The following ZC3HC1 variants were observed in gnomAD, a reference collection of about 807,000 sequenced individuals.
ZC3HC1 encodes zinc finger C3HC-type protein 1.
A neutral mutation model predicts 61.9 loss-of-function variants in ZC3HC1; 38 were observed. The observed-to-expected ratio is 0.61, with a 90% confidence interval of 0.47 to 0.81. The LOEUF (loss-of-function observed/expected upper bound fraction) is 0.81, where lower values mean the gene tolerates loss of function less well. ZC3HC1 is among the 30% of genes least tolerant of loss of function. ZC3HC1 has a pLI of 0.00. For synonymous variants in ZC3HC1, 213 were observed against 229.9 expected (o/e 0.93, Z 0.67); for missense variants, 554 against 622.7 (o/e 0.89, Z 1.17).
intron 2 of ZC3HC1, among the ~76,000 whole-genome samples, chr7:130,047,032 G>A (rs998661288): frequency 1.3e-5 from 2 of 151,994 alleles, no homozygotes; most frequent in Non-Finnish European, 2.9e-5. Context: ...GCATGATCTC[G>A]GCTCACTGCA....
At chr7:130,043,016 C>G (rs940887692) in intron 2 of ZC3HC1, among the ~76,000 whole-genome samples, 1 of 151,968 alleles carries the variant, frequency 6.6e-6, no homozygotes, top group Non-Finnish European at 1.5e-5. Context: ...GGGCCGGGTG[C>G]GGTGGCCCCA....
chr7:130,048,146 T>G (rs999821493), intron 2 of ZC3HC1, among the ~76,000 whole-genome samples: 8 of 137,842 alleles, frequency 5.8e-5, no homozygotes, highest in East Asian at 2.1e-4. Context: ...CCTAGTTGTT[T>G]TTTTTTTTTT....
intron 2 of ZC3HC1, 147 bp from the exon 3 acceptor site, chr7:130,041,248 C>T: frequency 1.1e-6 from 1 of 885,870 alleles, no homozygotes; most frequent in Non-Finnish European, 1.6e-6. Flanking sequence ...AGTGCAGTGG[C>T]ACGATCTAAG....
Position 130,040,997 on chromosome 7 carries a change from T to C in ZC3HC1, c.363A>G (p.Gln121=). The change falls in exon 3 of 10, where the codon CAA becomes CAG. Residue 121 remains glutamine, a synonymous_variant. Coordinates refer to ENST00000358303, the MANE Select transcript of ZC3HC1 (RefSeq NM_016478.5). ...ECDMLKCSSC[Q]AFLCASLQPA... ...GTTGTAAACTGGCACAGAGAAAAGC[T>C]TGACAGCTAGAGCACTTGAGCATAT... The C allele has an allele frequency of 6.2e-7, 1 of 1,613,886 alleles. No homozygotes were observed. Among genetic ancestry groups the C allele is most frequent in the South Asian group, 1.1e-5 (1 of 91,004 alleles).
chr7:130,043,703 G>A (rs187136200), intron 2 of ZC3HC1: 6 of 346,230 alleles, frequency 1.7e-5, no homozygotes, highest in East Asian at 8.4e-5. Flanking sequence ...AGGAGGCTGC[G>A]AAGAGGCAGC....
chr7:130,025,684 C>T (rs143451701), intron 6 of ZC3HC1, among the ~76,000 whole-genome samples: 2,373 of 151,636 alleles, frequency 0.016, 34 homozygotes, highest in Middle Eastern at 0.024. Context: ...CTGACTAACA[C>T]GGTGAAACCC....
chr7:130,040,948 T>TA lies in ZC3HC1; in HGVS notation c.409+2dup. On this transcript the variant is annotated splice_region_variant and intron_variant, in intron 3 of 9. Coordinates refer to ENST00000358303, the MANE Select transcript of ZC3HC1 (RefSeq NM_016478.5). ...AAAAATGTAATTTGTACCTTATACTTACATCTGTCAAAGTCAAAAGCTGGT... is the reference window on the plus strand; with the variant it reads ...AAAAATGTAATTTGTACCTTATACTTAACATCTGTCAAAGTCAAAAGCTGGT... 1 of 1,610,028 alleles carries TA rather than the reference T, an allele frequency of 6.2e-7. No homozygotes were observed. The highest frequency in any genetic ancestry group is 8.5e-7 in the Non-Finnish European group (1 of 1,178,734).
rs959072483 is a variant in ZC3HC1 at position 130,031,335 on chromosome 7, A to AC, written c.494-2307_494-2306insG. ...GCAAAACTCCATCTCAAAAAAAAAA[A>AC]AAAAAAACAGAAAACCAACATCCCC... On this transcript the variant is annotated intron_variant, in intron 4 of 9. Transcript: ENST00000358303. Among the ~76,000 whole-genome samples the AC allele has an allele frequency of 4.6e-4, 70 of 151,262 alleles. No individual in the cohort carries two copies. The East Asian group carries it at 0.013, about 29-fold the overall frequency.
At chr7:130,029,244 C>T (rs1175615034) in intron 4 of ZC3HC1, among the ~76,000 whole-genome samples, 4 of 151,872 alleles carry the variant, frequency 2.6e-5, no homozygotes, top group South Asian at 2.1e-4. Context: ...CATGGTGGCG[C>T]GTGCCTGTAA....
In ZC3HC1 at chr7:130,022,516, A is replaced by G. The variant is rs1044478128; in HGVS notation, c.1243T>C (p.Ser415Pro). 1 of 1,614,082 alleles carries G rather than the reference A, an allele frequency of 6.2e-7. No individual in the cohort carries two copies. The highest frequency in any genetic ancestry group is 8.5e-7 in the Non-Finnish European group (1 of 1,179,980). The change falls in exon 9 of 10, where the codon TCC becomes CCC. Residue 415 changes from serine (S) to proline (P), a missense_variant. By Grantham distance (74) the Ser-to-Pro change is moderately conservative. Coordinates refer to ENST00000358303, the MANE Select transcript of ZC3HC1 (RefSeq NM_016478.5). ...LCSSSSSDTS[S>P]RSFFDPTSQH... The stretch of plus-strand genomic sequence containing the variant: ...GAGGTGGGATCAAAGAAGCTTCGGG[A>G]AGATGTGTCCTGAGGAAGGAGAAAA...
intron 4 of ZC3HC1, among the ~76,000 whole-genome samples, chr7:130,031,050 C>T (rs377673018): frequency 3.3e-5 from 5 of 149,854 alleles, no homozygotes; most frequent in East Asian, 4.2e-4. Context: ...GACATCCCAG[C>T]GGGGCGTGGT....
At chr7:130,042,302 CAAAA>C (rs932185993) in intron 2 of ZC3HC1, among the ~76,000 whole-genome samples, 5 of 68,164 alleles carry the variant, frequency 7.3e-5, no homozygotes, top group African/African-American at 1.9e-4. Context: ...GACCCTGTCT[CAAAA>C]AAAAAAAAAA....
intron 5 of ZC3HC1, among the ~76,000 whole-genome samples, chr7:130,028,558 T>C (rs1309567852): frequency 6.6e-6 from 1 of 151,930 alleles, no homozygotes; most frequent in Non-Finnish European, 1.5e-5. Flanking sequence ...ATAATAATAA[T>C]AATTTAAGTA....
intron 4 of ZC3HC1, among the ~76,000 whole-genome samples, chr7:130,031,698 G>A (rs117031464): frequency 0.016 from 2,385 of 152,230 alleles, 34 homozygotes; most frequent in Middle Eastern, 0.024. Context: ...GACATGTGCA[G>A]GTATAGAGCT....
intron 2 of ZC3HC1, chr7:130,043,741 G>A (rs1302751492): frequency 9.9e-6 from 4 of 404,652 alleles, no homozygotes; most frequent in Non-Finnish European, 1.9e-5. Flanking sequence ...AACCAAAGTG[G>A]TATGTAACAG....
chr7:130,039,355 AAG>A, intron 4 of ZC3HC1, 107 bp downstream of exon 4: 1 of 948,228 alleles, frequency 1.1e-6, no homozygotes, highest in Non-Finnish European at 1.6e-6. Flanking sequence ...AAAAAAAAAA[AAG>A]AAAAGGAGAA....
At chr7:130,025,066 C>A (rs879933184) in intron 6 of ZC3HC1, among the ~76,000 whole-genome samples, 1 of 150,596 alleles carries the variant, frequency 6.6e-6, no homozygotes, top group Non-Finnish European at 1.5e-5. Flanking sequence ...CCACCATGCC[C>A]GGCTAATTTT....
intron 4 of ZC3HC1, among the ~76,000 whole-genome samples, chr7:130,036,113 G>GTT (rs113457368): frequency 1.2e-4 from 17 of 140,964 alleles, no homozygotes; most frequent in Admixed American, 2.2e-4. Context: ...TAATATGCCT[G>GTT]TTTTTTTTTT....
Position 130,024,330 on chromosome 7 carries a change from A to C in ZC3HC1, c.953T>G (p.Val318Gly). ...CATCATCCTCCGAGGAGATTCAGGC[A>C]CCAGAGGTAAGCGCTCTGGTCGCCC... ...LEGRPERLPL[V>G]PESPRRMMTR... The change falls in exon 7 of 10, where the codon GTG becomes GGG. Residue 318 changes from valine (V) to glycine (G), a missense_variant. Physicochemically the swap from Val to Gly is moderately radical, Grantham distance 109. Coordinates refer to ENST00000358303, the MANE Select transcript of ZC3HC1 (RefSeq NM_016478.5). 6.2e-7 allele frequency: 1 copy of C among 1,614,116 alleles called. No individual in the cohort carries two copies. The highest frequency in any genetic ancestry group is 8.5e-7 in the Non-Finnish European group (1 of 1,180,016).
Sources: gnomAD v4.1 joint callset for allele counts (sites outside exome capture counted in the v4.1 genomes callset) on GRCh38, gnomAD v4.1.1 for gene constraint, MANE v1.5 for transcripts, NCBI Gene and HGNC (gene_info 2026-07-23, HGNC 2026-07-21) for gene names.